The following TLL2 variants were observed in gnomAD, a reference collection of about 807,000 sequenced individuals.
TLL2 encodes the protein tolloid-like protein 2.
In TLL2, 106 loss-of-function variants were observed where a neutral mutation model predicts 123.0. The observed-to-expected ratio is 0.86, with a 90% CI of 0.74 to 1.01. TLL2 has a LOEUF of 1.01. Ranked by LOEUF, TLL2 falls within the 50% of genes least tolerant of loss-of-function variation. The pLI is 0.00. For synonymous variants in TLL2, 494 were observed against 516.8 expected, an observed-to-expected ratio of 0.96 and a Z score of 0.60; for missense variants, 1,332 against 1,336.7, an observed-to-expected ratio of 1.00 and a Z score of 0.06.
chr10:96,425,478 C>T (rs1846670670), intron 5 of TLL2, among the ~76,000 whole-genome samples: 1 of 151,754 alleles, frequency 6.6e-6, no homozygotes, highest in Non-Finnish European at 1.5e-5. Flanking sequence ...AGTATCCCTA[C>T]ATCAGGAAGC....
chr10:96,429,030 T>C (rs934830667), intron 4 of TLL2, among the ~76,000 whole-genome samples: 2 of 152,138 alleles, frequency 1.3e-5, no homozygotes, highest in African/African-American at 2.4e-5. Flanking sequence ...TCTTGACTCC[T>C]GACCTCAGGT....
intron 1 of TLL2, among the ~76,000 whole-genome samples, chr10:96,506,266 G>GAAAAAAAAAAAAAAA (rs386372173): frequency 1.1e-5 from 1 of 92,712 alleles, no homozygotes; most frequent in African/African-American, 4.2e-5. Context: ...AAAAAAAAAA[G>GAAAAAAAAAAAAAAA]AAAAAAAAAA....
intron 7 of TLL2, among the ~76,000 whole-genome samples, chr10:96,418,290 T>C (rs964007522): frequency 1.3e-5 from 2 of 152,218 alleles, no homozygotes; most frequent in African/African-American, 4.8e-5. Flanking sequence ...TCTGCCTGCA[T>C]CCTGTCCTGG....
intron 2 of TLL2, among the ~76,000 whole-genome samples, chr10:96,454,172 G>A (rs1400414614): frequency 2.6e-5 from 4 of 152,102 alleles, no homozygotes; most frequent in African/African-American, 9.7e-5. Context: ...AAAATTCCGA[G>A]TCCTCACCTT....
chr10:96,511,541 A>T (rs1454428440), intron 1 of TLL2, among the ~76,000 whole-genome samples: 1 of 152,212 alleles, frequency 6.6e-6, no homozygotes, highest in Non-Finnish European at 1.5e-5. Flanking sequence ...TGTGCATCCC[A>T]TTCTGTCTGT....
intron 9 of TLL2, 74 bp from the exon 10 acceptor site, chr10:96,405,408 G>A: frequency 7.3e-7 from 1 of 1,377,830 alleles, no homozygotes; most frequent in South Asian, 1.2e-5. Context: ...CTTGCATACT[G>A]GTGTTCTCAC....
rs367547579 is a variant in TLL2, at chr10:96,379,055, C to G, written c.2232G>C (p.Gln744His). The G allele has an allele frequency of 1.9e-6, 3 of 1,614,222 alleles. No individual in the cohort carries two copies. Among genetic ancestry groups the G allele is most frequent in the Non-Finnish European group, 2.5e-6 (3 of 1,180,030 alleles). ...TCCCGAAGGTGTTGACGCACTCATG[C>G]TGACACCCGCCGTTGTCCTTGGCAC... ...DECAKDNGGC[Q>H]HECVNTFGSY... The change falls in exon 17 of 21, where the codon CAG (glutamine) becomes CAC (histidine). Residue 744 changes from glutamine to histidine, a missense_variant. Gln to His is a conservative substitution (Grantham distance 24, BLOSUM62 0). Coordinates refer to ENST00000357947, the MANE Select transcript of TLL2 (RefSeq NM_012465.4).
In TLL2 at chr10:96,423,475, A is replaced by C. The variant is rs1307158217; in HGVS notation, c.639-748T>G. The stretch of plus-strand genomic sequence containing the variant: ...TAGAGATGACTCCCTTCTGGGCACA[A>C]TCATTTTTTTCAAATAATACTTATA... On this transcript the variant is annotated intron_variant, in intron 5 of 20. Coordinates refer to ENST00000357947, the MANE Select transcript of TLL2 (RefSeq NM_012465.4). Among the ~76,000 whole-genome samples, 5 of 152,266 alleles carry C rather than the reference A, an allele frequency of 3.3e-5. No individual in the cohort carries two copies. The East Asian group carries it at 5.8e-4, about 18-fold the overall frequency.
At chr10:96,375,420 T>C (rs922239685) in intron 18 of TLL2, 2 of 152,204 alleles carry the variant, frequency 1.3e-5, no homozygotes, top group Non-Finnish European at 1.5e-5. Flanking sequence ...ACGCTTCCCG[T>C]TGTGCGTTTG....
chr10:96,457,063 A>G (rs1158026857), intron 2 of TLL2, among the ~76,000 whole-genome samples: 3 of 152,246 alleles, frequency 2.0e-5, no homozygotes, highest in East Asian at 3.8e-4. Context: ...TCTCATCCAT[A>G]CAAATGGGAA....
At chr10:96,372,461 A>C (rs1198253576) in intron 19 of TLL2, among the ~76,000 whole-genome samples, 1 of 152,188 alleles carries the variant, frequency 6.6e-6, no homozygotes, top group East Asian at 1.9e-4. Flanking sequence ...TTCTGTGGGC[A>C]CTAGTCCCAG....
rs1846141500 is a variant in TLL2 at position 96,376,758 on chromosome 10, G to A, written c.2382C>T (p.Asp794=). ...TACACTCCCTCCGGCTGGGGTATTTGTCAGGCCAGTTGGGGCTCGCCAGGG... is the reference window on the plus strand; with the variant it reads ...TACACTCCCTCCGGCTGGGGTATTTATCAGGCCAGTTGGGGCTCGCCAGGG... ...EGTLASPNWP[D]KYPSRRECTW... The change falls in exon 18 of 21, where the codon GAC becomes GAT. Residue 794 remains aspartate, a synonymous_variant. Transcript: ENST00000357947. 1 of 1,601,748 alleles carries A rather than the reference G, an allele frequency of 6.2e-7. No individual in the cohort carries two copies. The highest frequency in any genetic ancestry group is 1.7e-5 in the Admixed American group (1 of 57,858).
intron 3 of TLL2, among the ~76,000 whole-genome samples, chr10:96,438,509 C>T (rs1393217130): frequency 6.6e-6 from 1 of 152,134 alleles, no homozygotes; most frequent in Admixed American, 6.5e-5. Context: ...TTTTGTTGAA[C>T]TCATTGATTG....
chr10:96,459,687 A>AT (rs1847054824), intron 2 of TLL2, among the ~76,000 whole-genome samples: 7 of 52,260 alleles, frequency 1.3e-4, no homozygotes, highest in South Asian at 1.4e-3. Context: ...AAAAAAAAAA[A>AT]AAAAAAAAAA....
At chr10:96,451,848 C>A (rs964042777) in intron 2 of TLL2, among the ~76,000 whole-genome samples, 1 of 152,216 alleles carries the variant, frequency 6.6e-6, no homozygotes, top group Non-Finnish European at 1.5e-5. Context: ...CCTTCATAGA[C>A]ATTACATACT....
chr10:96,421,170 C>A, intron 6 of TLL2, 109 bp from the exon 7 acceptor site: 1 of 761,316 alleles, frequency 1.3e-6, no homozygotes. Flanking sequence ...CTCTCTTGGC[C>A]CAATCAGTCA....
At chr10:96,480,107 G>C (rs1358796245) in intron 2 of TLL2, among the ~76,000 whole-genome samples, 1 of 152,196 alleles carries the variant, frequency 6.6e-6, no homozygotes, top group Non-Finnish European at 1.5e-5. Context: ...CAAATGCCGA[G>C]CTCCAGCCTG....
chr10:96,421,158 G>A, intron 6 of TLL2, 97 bp from the exon 7 acceptor site: 1 of 834,082 alleles, frequency 1.2e-6, no homozygotes, highest in Admixed American at 1.9e-5. Context: ...AACTTCCCAG[G>A]GCTCTCTTGG....
At chr10:96,434,493 G>A (rs2134081933) in intron 3 of TLL2, among the ~76,000 whole-genome samples, 1 of 152,284 alleles carries the variant, frequency 6.6e-6, no homozygotes, top group Non-Finnish European at 1.5e-5. Flanking sequence ...TGTTTTCAAG[G>A]ATCACTCATG....
Sources: allele counts gnomAD v4.1 joint callset (sites outside exome capture counted in the v4.1 genomes callset), GRCh38; gene constraint gnomAD v4.1.1; transcripts MANE v1.5; gene names NCBI Gene and HGNC (gene_info 2026-07-23, HGNC 2026-07-21).